ITGA9: variants seen among roughly 807,000 people sequenced by gnomAD.
ITGA9 encodes the protein integrin subunit alpha 9.
Under a neutral mutation model 127.8 loss-of-function variants are expected in ITGA9, and 56 were observed. That is an observed-to-expected ratio of 0.44 (90% confidence interval 0.35 to 0.55). The LOEUF (loss-of-function observed/expected upper bound fraction) is 0.55. ITGA9 is among the 20% of genes least tolerant of loss of function. The pLI, the probability that ITGA9 is intolerant of heterozygous loss-of-function variation, is 0.00. For synonymous variants in ITGA9, 508 were observed against 514.5 expected (o/e 0.99, Z 0.17); for missense variants, 1,196 against 1,347.1 (o/e 0.89, Z 1.76).
At chr3:37,529,227 T>G (rs1187301986) in intron 13 of ITGA9, among the ~76,000 whole-genome samples, 1 of 152,092 alleles carries the variant, frequency 6.6e-6, no homozygotes, top group Admixed American at 6.5e-5. Flanking sequence ...ATTTTATGGG[T>G]GAGGAGACCA....
intron 3 of ITGA9, among the ~76,000 whole-genome samples, chr3:37,476,846 C>CT (rs1579050667): frequency 6.6e-6 from 1 of 152,206 alleles, no homozygotes; most frequent in East Asian, 1.9e-4. Context: ...AATCTACCCA[C>CT]TTTCATTCTC....
At chr3:37,798,997 C>G (rs1408369548) in intron 26 of ITGA9, among the ~76,000 whole-genome samples, 1 of 152,122 alleles carries the variant, frequency 6.6e-6, no homozygotes, top group African/African-American at 2.4e-5. Context: ...CCATAGTTTA[C>G]TTATCTATTG....
chr3:37,616,122 A>T (rs1490247290), intron 15 of ITGA9, among the ~76,000 whole-genome samples: 45 of 147,682 alleles, frequency 3.0e-4, no homozygotes, highest in African/African-American at 5.0e-4. Context: ...ATTTCCCTCT[A>T]CACACTGCTT....
intron 5 of ITGA9, among the ~76,000 whole-genome samples, chr3:37,495,986 T>G (rs1280563814): frequency 1.3e-5 from 2 of 152,104 alleles, no homozygotes. Flanking sequence ...ACCTCTCTCT[T>G]TTCCTCACTC....
intron 15 of ITGA9, among the ~76,000 whole-genome samples, chr3:37,615,975 T>C (rs1700070406): frequency 6.6e-6 from 1 of 152,252 alleles, no homozygotes; most frequent in Non-Finnish European, 1.5e-5. Flanking sequence ...TCAGTTCTGC[T>C]CTGATCTTGG....
At chr3:37,626,156 T>C (rs1700174421) in intron 15 of ITGA9, among the ~76,000 whole-genome samples, 1 of 152,230 alleles carries the variant, frequency 6.6e-6, no homozygotes, top group Non-Finnish European at 1.5e-5. Flanking sequence ...TTCATCCTTG[T>C]GTGTGAAACA....
At chr3:37,546,915 G>C (rs1258910065) in intron 15 of ITGA9, among the ~76,000 whole-genome samples, 1 of 152,214 alleles carries the variant, frequency 6.6e-6, no homozygotes, top group Non-Finnish European at 1.5e-5. Flanking sequence ...CTCTAATCCT[G>C]TACAATACCT....
rs902988942 is a variant in ITGA9 at position 37,452,761 on chromosome 3, C to G, written c.185+202C>G. 6.6e-6 allele frequency among the ~76,000 whole-genome samples: 1 copy of G among 152,060 alleles called. No individual in the cohort carries two copies. The highest frequency in any genetic ancestry group is 1.5e-5 in the Non-Finnish European group (1 of 67,962). On this transcript the variant is annotated intron_variant, in intron 1 of 27. Transcript: ENST00000264741. This position sits in a 1 kb window ranked among gnomAD's most constrained non-coding sequence, Gnocchi z 7.3. ...GTCCGGGGCCCGCTAAGGTCGGGGT[C>G]GGCGCCTGGAGGCGGGCGGGGGCGT...
intron 17 of ITGA9, among the ~76,000 whole-genome samples, chr3:37,676,093 C>T (rs1267073845): frequency 6.6e-6 from 1 of 152,182 alleles, no homozygotes; most frequent in African/African-American, 2.4e-5. Flanking sequence ...TGGACGTCTA[C>T]TTCACAAGCA....
chr3:37,612,548 T>A (rs920576173), intron 15 of ITGA9, among the ~76,000 whole-genome samples: 2 of 152,174 alleles, frequency 1.3e-5, no homozygotes, highest in Non-Finnish European at 2.9e-5. Context: ...CATTTTATAA[T>A]GGAAGGAAAT....
intron 1 of ITGA9, among the ~76,000 whole-genome samples, chr3:37,464,493 C>T (rs978539416): frequency 3.3e-5 from 5 of 152,116 alleles, no homozygotes; most frequent in African/African-American, 1.2e-4. Context: ...CATTCTTTTG[C>T]TTAAACCTTA....
rs1043683904 is a variant in ITGA9, at chr3:37,452,335, C to T, written c.-40C>T. ...CCCCGCGGCCCGCGCGCTCGGCGCC[C>T]TGCTCGCCGGGCAGAGGGGAAGGCG... is the stretch of plus-strand genomic sequence containing the variant. On this transcript the variant is annotated 5_prime_UTR_variant, in exon 1 of 28. Transcript: ENST00000264741. The surrounding 1 kb of genome is among the most constrained non-coding windows in gnomAD (Gnocchi z 7.3). The T allele has an allele frequency of 2.3e-5, 24 of 1,050,698 alleles. No individual in the cohort carries two copies. The highest frequency in any genetic ancestry group is 4.5e-5 in the South Asian group (1 of 22,458). 65.1% of individuals were successfully genotyped at this position (1,050,698 alleles called of 1,614,324 possible).
intron 23 of ITGA9, among the ~76,000 whole-genome samples, chr3:37,760,843 A>G (rs1473777696): frequency 2.6e-5 from 4 of 152,230 alleles, no homozygotes; most frequent in African/African-American, 7.2e-5. Flanking sequence ...CTTTTATGTG[A>G]TCAAAATACA....
At chr3:37,653,564 G>A (rs1022046171) in intron 16 of ITGA9, 150 bp from the exon 17 acceptor site, 9 of 743,390 alleles carry the variant, frequency 1.2e-5, no homozygotes, top group Admixed American at 1.1e-4. Flanking sequence ...CCCTTCCCAC[G>A]CTGGAGAGCT....
At chr3:37,614,662 C>T (rs924581780) in intron 15 of ITGA9, among the ~76,000 whole-genome samples, 85 of 152,220 alleles carry the variant, frequency 5.6e-4, no homozygotes, top group Admixed American at 2.6e-4. Flanking sequence ...TTGTAGTTCT[C>T]CTTGAGGAGG....
chr3:37,663,994 C>T (rs2125652809), intron 17 of ITGA9, among the ~76,000 whole-genome samples: 1 of 152,346 alleles, frequency 6.6e-6, no homozygotes, highest in Non-Finnish European at 1.5e-5. Flanking sequence ...TCCTCAACAA[C>T]ACTGAGAATA....
chr3:37,569,810 T>C (rs937736985), intron 15 of ITGA9, among the ~76,000 whole-genome samples: 4 of 152,198 alleles, frequency 2.6e-5, no homozygotes, highest in Admixed American at 2.6e-4. Context: ...GTGTAGAAGG[T>C]GTATATAAAC....
intron 23 of ITGA9, among the ~76,000 whole-genome samples, chr3:37,761,224 A>G (rs73825415): frequency 0.033 from 5,044 of 152,350 alleles, 202 homozygotes; most frequent in South Asian, 0.13. Context: ...GTTAAGATCC[A>G]TTGTTGGTTA....
At chr3:37,695,005 C>T (rs1700869536) in intron 18 of ITGA9, among the ~76,000 whole-genome samples, 1 of 152,154 alleles carries the variant, frequency 6.6e-6, no homozygotes, top group East Asian at 1.9e-4. Context: ...CAGGGCAGGA[C>T]TGAAACTCAG....
Sources: allele counts gnomAD v4.1 joint callset (sites outside exome capture counted in the v4.1 genomes callset), GRCh38; gene constraint gnomAD v4.1.1; non-coding constraint Gnocchi (gnomAD v3.1); transcripts MANE v1.5; gene names NCBI Gene and HGNC (gene_info 2026-07-23, HGNC 2026-07-21).